The following BRWD1 variants were observed in gnomAD, a reference collection of about 807,000 sequenced individuals.
The protein encoded by BRWD1 is bromodomain and WD repeat-containing protein 1.
BRWD1 carries 82 observed loss-of-function variants against 251.2 expected under a neutral mutation model. The observed-to-expected ratio is 0.33, with a 90% CI of 0.27 to 0.39. The LOEUF is 0.39. Ranked by LOEUF, BRWD1 falls within the 10% of genes least tolerant of loss-of-function variation. BRWD1 has a pLI of 1.00. For synonymous variants in BRWD1, 918 were observed against 902.8 expected, an observed-to-expected ratio of 1.02 and a Z score of -0.30; for missense variants, 2,233 against 2,711.6, an observed-to-expected ratio of 0.82 and a Z score of 3.92.
intron 40 of BRWD1, 82 bp downstream of exon 40, chr21:39,198,681 T>C (rs1217950574): frequency 7.8e-7 from 1 of 1,287,292 alleles, no homozygotes; most frequent in Non-Finnish European, 1.1e-6. Flanking sequence ...GGGAAACTTT[T>C]TCGGGGGGAA....
rs370134792 is a variant in BRWD1, at chr21:39,199,593, T to C, written c.4823A>G (p.Asp1608Gly). 2.5e-6 allele frequency: 4 copies of C among 1,614,056 alleles called. No individual in the cohort carries two copies. The highest frequency in any genetic ancestry group is 1.7e-5 in the Admixed American group (1 of 59,994). The change falls in exon 40 of 41, where the codon GAT becomes GGT. Residue 1608 changes from aspartate (D) to glycine (G), a missense_variant. Asp to Gly is a moderately conservative substitution (Grantham distance 94). Coordinates refer to ENST00000342449, the MANE Select transcript of BRWD1 (RefSeq NM_033656.4). Reference protein sequence around the residue: ...TRKRVYLSDSDNNSLETGEIL... With the variant: ...TRKRVYLSDSGNNSLETGEIL... ...TTCACCAGTCTCCAATGAATTGTTA[T>C]CAGAATCACTTAAATAGACTCTCTT... is the stretch of plus-strand genomic sequence containing the variant.
intron 17 of BRWD1, among the ~76,000 whole-genome samples, chr21:39,260,607 T>C (rs2034711274): frequency 6.6e-6 from 1 of 152,070 alleles, no homozygotes; most frequent in African/African-American, 2.4e-5. Flanking sequence ...ACAACTACAA[T>C]ACTGGAAAAA....
At chr21:39,310,535 G>A (rs1221064064) in intron 4 of BRWD1, among the ~76,000 whole-genome samples, 1 of 152,128 alleles carries the variant, frequency 6.6e-6, no homozygotes, top group Non-Finnish European at 1.5e-5. Flanking sequence ...GCTGAGGCAG[G>A]AGGATCACTT....
chr21:39,248,543 G>C (rs530660455), intron 20 of BRWD1, among the ~76,000 whole-genome samples: 1 of 150,948 alleles, frequency 6.6e-6, no homozygotes, highest in Non-Finnish European at 1.5e-5. Context: ...GAGGCTGAGG[G>C]GGGAGGATCA....
chr21:39,247,876 A>G (rs926296329), intron 20 of BRWD1, 44 bp from the exon 21 acceptor site: 15 of 1,547,062 alleles, frequency 9.7e-6, no homozygotes, highest in South Asian at 1.2e-5. Context: ...ACACCTAAAT[A>G]AGGACAATAT....
chr21:39,203,447 T>TTTTTTTTG (rs2032221089), intron 37 of BRWD1, among the ~76,000 whole-genome samples: 1 of 137,972 alleles, frequency 7.2e-6, no homozygotes, highest in Non-Finnish European at 1.6e-5. Flanking sequence ...TCTTTTTTTT[T>TTTTTTTTG]TTTTTTTTTT....
At chr21:39,307,471 A>G (rs1330353052) in intron 4 of BRWD1, among the ~76,000 whole-genome samples, 2 of 152,136 alleles carry the variant, frequency 1.3e-5, no homozygotes, top group African/African-American at 4.8e-5. Flanking sequence ...GTTTGTATGT[A>G]TATATTGCAC....
chr21:39,249,910 A>AGG (rs71184668), intron 20 of BRWD1, among the ~76,000 whole-genome samples: 3 of 65,870 alleles, frequency 4.6e-5, no homozygotes, highest in Non-Finnish European at 6.4e-5. Context: ...CAAAAAAAGA[A>AGG]GGGGGGTGTG....
chr21:39,268,937 G>C (rs1379817252), intron 15 of BRWD1, among the ~76,000 whole-genome samples: 4 of 151,912 alleles, frequency 2.6e-5, no homozygotes, highest in Non-Finnish European at 4.4e-5. Flanking sequence ...GCAGTGAGTT[G>C]AGATTGCGCC....
chr21:39,274,348 A>C (rs1601436590), intron 13 of BRWD1, 26 bp downstream of exon 13: 1 of 1,543,556 alleles, frequency 6.5e-7, no homozygotes, highest in Non-Finnish European at 9.0e-7. Flanking sequence ...CCTATGATGC[A>C]CCTACTTCTA....
rs1367728807 is a variant in BRWD1 at position 39,193,764 on chromosome 21, A to C, written c.*2495T>G. On this transcript the variant is annotated 3_prime_UTR_variant, in exon 41 of 41. Coordinates refer to ENST00000342449, the MANE Select transcript of BRWD1 (RefSeq NM_033656.4). ...AACATTAAAGTACACCTGTGCATTA[A>C]ATCCCTGGGCATTTTGCATAACGTA... 1 of 985,586 alleles carries C rather than the reference A, an allele frequency of 1.0e-6. No individual in the cohort carries two copies. The highest frequency in any genetic ancestry group is 1.2e-6 in the Non-Finnish European group (1 of 829,712). The allele number at this position is 985,586 out of a possible 1,614,324, so 61.1% of individuals were successfully genotyped here. A position where few individuals can be genotyped will look rare whatever the true frequency, so the allele number is the denominator to read the frequency against.
At chr21:39,205,498 G>A (rs1044678920) in intron 37 of BRWD1, among the ~76,000 whole-genome samples, 2 of 152,004 alleles carry the variant, frequency 1.3e-5, no homozygotes, top group African/African-American at 4.8e-5. Flanking sequence ...AGGGCTGAGC[G>A]CGGTGGCTCA....
Position 39,195,644 on chromosome 21 carries a change from GAAA to G in BRWD1, c.*612_*614del, listed in dbSNP as rs1198447688. Reference sequence around the variant, plus strand: ...AAAGTGACAACGTTTTCCTTAAGAAGAAAAAAACCCAACAGCACTTGGGAAGAA... The same window carrying G: ...AAAGTGACAACGTTTTCCTTAAGAAGAAAACCCAACAGCACTTGGGAAGAA... On this transcript the variant is annotated 3_prime_UTR_variant, in exon 41 of 41. Coordinates refer to ENST00000342449, the MANE Select transcript of BRWD1 (RefSeq NM_033656.4). The G allele has an allele frequency of 6.1e-6, 6 of 984,328 alleles. No homozygotes were observed. In the African/African-American group the frequency reaches 1.1e-4, roughly 17 times the overall value. 61.0% of individuals were successfully genotyped at this position (984,328 alleles called of 1,614,324 possible). A position where few individuals can be genotyped will look rare whatever the true frequency, so the allele number is the denominator to read the frequency against.
At position 39,206,148 on chromosome 21, in the gene BRWD1, G is replaced by C. The variant is rs946254899; in HGVS notation, c.4324C>G (p.Gln1442Glu). 4.3e-6 allele frequency: 7 copies of C among 1,613,222 alleles called. No homozygotes were observed. Among genetic ancestry groups the C allele is most frequent in the Non-Finnish European group, 5.1e-6 (6 of 1,179,740 alleles). Residue 1442 changes from glutamine to glutamate, a missense_variant, in exon 37 of 41, where the codon CAA becomes GAA. By Grantham distance (29) the Gln-to-Glu change is conservative. This residue lies in a region of BRWD1 where 928 missense variants were observed against 970.0 expected (regional missense o/e 0.96). Transcript: ENST00000342449. ...LRRSQRFKQR[Q>E]NCKGDSQPNK... ...GGCTGACTGTCACCTTTACAATTTT[G>C]CCGTTGCTTGAACCTCTGGCTTCTT...
intron 8 of BRWD1, among the ~76,000 whole-genome samples, chr21:39,288,165 T>C (rs1601467814): frequency 6.6e-6 from 1 of 152,206 alleles, no homozygotes; most frequent in Admixed American, 6.5e-5. Flanking sequence ...CATGAAGACC[T>C]TTCCATAGGG....
intron 5 of BRWD1, chr21:39,296,564 A>T (rs1054280501): frequency 1.6e-6 from 2 of 1,219,960 alleles, no homozygotes; most frequent in African/African-American, 3.1e-5. Flanking sequence ...AGCAGCAACA[A>T]CAACTAACAT....
chr21:39,293,926 TCA>T lies in BRWD1; in HGVS notation c.714_715del (p.Tyr238Ter). The T allele has an allele frequency of 6.2e-7, 1 of 1,614,182 alleles. No individual in the cohort carries two copies. Among genetic ancestry groups the T allele is most frequent in the Non-Finnish European group, 8.5e-7 (1 of 1,180,034 alleles). ...GCTCCCCGCAGCAATCATTGTATTCTCATAGTTTACTGCCATATCTGAAATTT... is the reference window on the plus strand; with the variant it reads ...GCTCCCCGCAGCAATCATTGTATTCTTAGTTTACTGCCATATCTGAAATTT... On this transcript the variant is annotated stop_gained and frameshift_variant, in exon 8 of 41. Coordinates refer to ENST00000342449, the MANE Select transcript of BRWD1 (RefSeq NM_033656.4). LOFTEE classifies it high-confidence loss of function.
In BRWD1 at chr21:39,194,466, A is replaced by T. The variant is rs1254658232; in HGVS notation, c.*1793T>A. 3 of 1,381,858 alleles carry T rather than the reference A, an allele frequency of 2.2e-6. No homozygotes were observed. The highest frequency in any genetic ancestry group is 2.8e-6 in the Non-Finnish European group (3 of 1,070,600). 85.6% of individuals were successfully genotyped at this position (1,381,858 alleles called of 1,614,324 possible). On this transcript the variant is annotated 3_prime_UTR_variant, in exon 41 of 41. Transcript: ENST00000342449. ...ACAATTATCATGAATCAATCTGTTT[A>T]CTATCTACTTAACACAAGTTCTGAG... is the stretch of plus-strand genomic sequence containing the variant.
chr21:39,191,460 C>G lies in BRWD1; in HGVS notation c.*4799G>C, dbSNP rs1255818473. The stretch of plus-strand genomic sequence containing the variant: ...TGAAAATGCTAAATTTATTATATCC[C>G]ATTTAAGAACTGACAAAAATCATCT... On this transcript the variant is annotated 3_prime_UTR_variant, in exon 41 of 41. Transcript: ENST00000342449. 1 of 981,662 alleles carries G rather than the reference C, an allele frequency of 1.0e-6. No homozygotes were observed. 60.8% of individuals were successfully genotyped at this position (981,662 alleles called of 1,614,324 possible). A position where few individuals can be genotyped will look rare whatever the true frequency, so the allele number is the denominator to read the frequency against.
Sources: gnomAD v4.1 joint callset for allele counts (sites outside exome capture counted in the v4.1 genomes callset) on GRCh38, gnomAD v4.1.1 for gene constraint, gnomAD v4.1.1 regional missense constraint, MANE v1.5 for transcripts, NCBI Gene and HGNC (gene_info 2026-07-23, HGNC 2026-07-21) for gene names.